SLC25A48: variants seen among roughly 807,000 people sequenced by gnomAD.
SLC25A48 encodes CTC-321K16.1.
A neutral mutation model predicts 32.2 loss-of-function variants in SLC25A48; 29 were observed. That is an observed-to-expected ratio of 0.90 (90% CI 0.67 to 1.23). SLC25A48 has a LOEUF of 1.23. Ranked by LOEUF, SLC25A48 falls within the 50% of genes most tolerant of loss-of-function variation. The pLI, the probability that SLC25A48 is intolerant of heterozygous loss-of-function variation, is 0.00. For synonymous variants in SLC25A48, 164 were observed against 172.3 expected (o/e 0.95, Z 0.38); for missense variants, 399 against 422.7 (o/e 0.94, Z 0.49).
chr5:135,625,475 A>G (rs1281903909), intron 1 of SLC25A48, among the ~76,000 whole-genome samples: 1 of 152,062 alleles, frequency 6.6e-6, no homozygotes, highest in Non-Finnish European at 1.5e-5. Context: ...GGTCCTTCTC[A>G]TCCACACCTA....
At chr5:135,796,359 G>A (rs1013737766) in intron 3 of SLC25A48, among the ~76,000 whole-genome samples, 4 of 151,380 alleles carry the variant, frequency 2.6e-5, no homozygotes, top group Non-Finnish European at 4.4e-5. Context: ...GTAATATCCA[G>A]TAGGGGAGAG....
intron 2 of SLC25A48, among the ~76,000 whole-genome samples, chr5:135,630,626 G>A (rs1752537965): frequency 1.1e-5 from 1 of 89,042 alleles, no homozygotes; most frequent in African/African-American, 4.4e-5. Context: ...TTTTTTGAGA[G>A]AGTCATGCTC....
intron 1 of SLC25A48, among the ~76,000 whole-genome samples, chr5:135,593,785 T>G (rs1204676939): frequency 1.3e-5 from 2 of 152,224 alleles, no homozygotes; most frequent in Non-Finnish European, 2.9e-5. Context: ...GATCATAGCG[T>G]TAGTTGTAAT....
At chr5:135,601,645 C>T (rs191881250) in intron 1 of SLC25A48, among the ~76,000 whole-genome samples, 2 of 152,364 alleles carry the variant, frequency 1.3e-5, no homozygotes, top group African/African-American at 4.8e-5. Context: ...GTGGGTCCCA[C>T]TCCGTTGCTT....
chr5:135,824,187 G>A lies in SLC25A48; in HGVS notation c.-117+11261G>A, dbSNP rs537355845. ...GGCACAGGCTCTAAGGGAAGGACAA[G>A]TTTGGTGTGACTTAGGAATGGCAAG... On this transcript the variant is annotated intron_variant, in intron 4 of 10. Transcript: ENST00000646290. Among the ~76,000 whole-genome samples, 5 of 152,322 alleles carry A rather than the reference G, an allele frequency of 3.3e-5. No homozygotes were observed. The South Asian group carries it at 8.3e-4, about 25-fold the overall frequency.
At chr5:135,658,942 T>G (rs1428714295) in intron 3 of SLC25A48, among the ~76,000 whole-genome samples, 1 of 152,182 alleles carries the variant, frequency 6.6e-6, no homozygotes, top group Non-Finnish European at 1.5e-5. Context: ...CACAAAACCA[T>G]TTTTTCCCTC....
At chr5:135,829,132 C>T (rs903995516) in intron 4 of SLC25A48, among the ~76,000 whole-genome samples, 1 of 152,218 alleles carries the variant, frequency 6.6e-6, no homozygotes, top group Non-Finnish European at 1.5e-5. Flanking sequence ...TGCCACATGG[C>T]AGAAGATGGA....
intron 3 of SLC25A48, among the ~76,000 whole-genome samples, chr5:135,762,446 C>T (rs1044993272): frequency 1.3e-5 from 2 of 152,106 alleles, no homozygotes; most frequent in Non-Finnish European, 1.5e-5. Context: ...GTATTTTGAA[C>T]CACGCTAATG....
rs1322489561 is a variant in SLC25A48 at position 135,770,656 on chromosome 5, A to AC, written c.-520-41862dup. Among the ~76,000 whole-genome samples the AC allele has an allele frequency of 2.6e-5, 4 of 151,220 alleles. No homozygotes were observed. In the East Asian group the frequency reaches 5.9e-4, roughly 22 times the overall value. ...ACTTCCAATATCCCAGAAAGTGTAC[A>AC]CCCCCTCGCGATATTGTTTCTAATA... On this transcript the variant is annotated intron_variant, in intron 3 of 10. Coordinates refer to the SLC25A48 transcript ENST00000646290.
At chr5:135,840,411 T>C (rs1036135649) in intron 1 of SLC25A48, among the ~76,000 whole-genome samples, 4 of 152,244 alleles carry the variant, frequency 2.6e-5, no homozygotes, top group Admixed American at 2.6e-4. Flanking sequence ...CTACCCCGCT[T>C]TTTGAGCTGA....
At chr5:135,823,075 C>A (rs1757932684) in intron 4 of SLC25A48, among the ~76,000 whole-genome samples, 1 of 151,868 alleles carries the variant, frequency 6.6e-6, no homozygotes, top group Non-Finnish European at 1.5e-5. Flanking sequence ...AGGCTGCCTG[C>A]AGGGAGTTGG....
upstream of SLC25A48, among the ~76,000 whole-genome samples, chr5:135,834,151 ACAGAGAG>A (rs1758316851): frequency 6.6e-6 from 1 of 152,164 alleles, no homozygotes; most frequent in Non-Finnish European, 1.5e-5. Flanking sequence ...GGGTCTGCCT[ACAGAGAG>A]GGAGTTTGAG....
At chr5:135,627,360 T>A (rs1196521690) in intron 1 of SLC25A48, among the ~76,000 whole-genome samples, 1 of 152,188 alleles carries the variant, frequency 6.6e-6, no homozygotes, top group Non-Finnish European at 1.5e-5. Context: ...CTATTATCCA[T>A]GGCCAGCCCC....
chr5:135,873,703 C>T (rs545325026), intron 5 of SLC25A48, among the ~76,000 whole-genome samples: 89 of 152,334 alleles, frequency 5.8e-4, no homozygotes, highest in African/African-American at 2.1e-3. Flanking sequence ...ACGTCTCGAG[C>T]ACTGGCTGTG....
intron 3 of SLC25A48, among the ~76,000 whole-genome samples, chr5:135,674,213 A>G (rs1753718707): frequency 6.6e-6 from 1 of 152,050 alleles, no homozygotes; most frequent in Non-Finnish European, 1.5e-5. Flanking sequence ...CAGACTGTAT[A>G]ATAATCAAGT....
chr5:135,586,533 C>A (rs1476922626), intron 1 of SLC25A48, among the ~76,000 whole-genome samples: 1 of 148,978 alleles, frequency 6.7e-6, no homozygotes, highest in Non-Finnish European at 1.5e-5. Context: ...CAGACACAGA[C>A]ATGGAGCCTT....
intron 3 of SLC25A48, among the ~76,000 whole-genome samples, chr5:135,661,040 C>T (rs893149531): frequency 6.6e-5 from 10 of 152,228 alleles, no homozygotes; most frequent in African/African-American, 2.4e-4. Flanking sequence ...CAGGGCCAGA[C>T]TGGACCTCTG....
At chr5:135,608,429 C>T (rs995122560) in intron 1 of SLC25A48, among the ~76,000 whole-genome samples, 6 of 152,206 alleles carry the variant, frequency 3.9e-5, no homozygotes, top group Non-Finnish European at 7.3e-5. Flanking sequence ...TAGAAGTGAG[C>T]AGCTGCTGTT....
At chr5:135,704,942 T>C (rs1754472760) in intron 3 of SLC25A48, among the ~76,000 whole-genome samples, 1 of 152,094 alleles carries the variant, frequency 6.6e-6, no homozygotes, top group African/African-American at 2.4e-5. Flanking sequence ...GCCATTCAGG[T>C]GTTGGGGCTG....
Sources: gnomAD v4.1 joint callset for allele counts (sites outside exome capture counted in the v4.1 genomes callset) on GRCh38, gnomAD v4.1.1 for gene constraint, MANE v1.5 for transcripts, NCBI Gene and HGNC (gene_info 2026-07-23, HGNC 2026-07-21) for gene names.